Variants in PTPRD observed in about 807,000 individuals in gnomAD.
The protein encoded by PTPRD is receptor-type tyrosine-protein phosphatase delta.
PTPRD carries 34 observed loss-of-function variants against 214.5 expected under a neutral mutation model. The observed-to-expected ratio is 0.16, with a 90% CI of 0.12 to 0.21. The LOEUF (loss-of-function observed/expected upper bound fraction) is 0.21, where lower values mean the gene tolerates loss of function less well. PTPRD is among the 10% of genes least tolerant of loss of function. PTPRD has a pLI of 1.00. For synonymous variants in PTPRD, 1,128 were observed against 845.7 expected (o/e 1.33, Z -5.79); for missense variants, 2,545 against 2,398.7 (o/e 1.06, Z -1.27).
intron 12 of PTPRD, chr9:8,713,179 C>T: frequency 1.8e-6 from 1 of 563,018 alleles, no homozygotes; most frequent in Admixed American, 3.2e-5. Context: ...CTGTCAGTGC[C>T]AGAATTTCAG....
intron 7 of PTPRD, among the ~76,000 whole-genome samples, chr9:9,648,763 CTTATA>C (rs1161883879): frequency 6.6e-6 from 1 of 152,082 alleles, no homozygotes; most frequent in Non-Finnish European, 1.5e-5. Context: ...ACGTAATGTT[CTTATA>C]TTGTATTGTG....
chr9:9,727,933 A>T (rs932259309), intron 7 of PTPRD, among the ~76,000 whole-genome samples: 4 of 152,168 alleles, frequency 2.6e-5, no homozygotes, highest in African/African-American at 7.2e-5. Flanking sequence ...CTGTGTTCTC[A>T]GTCAAATCCC....
chr9:9,956,695 G>C (rs1319760722), intron 4 of PTPRD, among the ~76,000 whole-genome samples: 1 of 152,040 alleles, frequency 6.6e-6, no homozygotes, highest in East Asian at 1.9e-4. Flanking sequence ...ACATGAATGA[G>C]ACAAGGGAAT....
chr9:8,952,078 C>T (rs889553424), intron 11 of PTPRD, among the ~76,000 whole-genome samples: 1 of 151,820 alleles, frequency 6.6e-6, no homozygotes, highest in Admixed American at 6.6e-5. Context: ...AACTATTTAC[C>T]TTATTTCTCT....
rs141888584 is a variant in PTPRD at position 8,449,665 on chromosome 9, A to G, written c.3988+60T>C. On this transcript the variant is annotated intron_variant, in intron 34 of 45. Coordinates refer to ENST00000381196, the MANE Select transcript of PTPRD (RefSeq NM_002839.4). The stretch of plus-strand genomic sequence containing the variant: ...GTGATACCTTCAACTCTTAATATCA[A>G]TTGAGCTGTACAACTTCTGGGAAAG... The G allele has an allele frequency of 2.9e-3, 4,226 of 1,466,280 alleles. 11 individuals are homozygous for G. The highest frequency in any genetic ancestry group is 9.1e-3 in the Middle Eastern group (52 of 5,718). 90.8% of individuals were successfully genotyped at this position (1,466,280 alleles called of 1,614,324 possible).
intron 5 of PTPRD, among the ~76,000 whole-genome samples, chr9:9,845,200 A>C (rs2059300278): frequency 7.2e-6 from 1 of 138,090 alleles, no homozygotes. Context: ...ATATATAGCT[A>C]TATATATACT....
intron 3 of PTPRD, among the ~76,000 whole-genome samples, chr9:10,050,967 A>G (rs2097525879): frequency 6.6e-6 from 1 of 152,188 alleles, no homozygotes; most frequent in Non-Finnish European, 1.5e-5. Flanking sequence ...TTTTTCATAA[A>G]TATTAAAACT....
chr9:10,489,064 G>A (rs1005634344), intron 2 of PTPRD, among the ~76,000 whole-genome samples: 3 of 151,982 alleles, frequency 2.0e-5, no homozygotes, highest in Non-Finnish European at 4.4e-5. Flanking sequence ...GGAACGTGCT[G>A]AGCCTCACCT....
rs983391423 is a variant in PTPRD, at chr9:8,963,692, T to G, written c.-104+55005A>C. Among the ~76,000 whole-genome samples the G allele has an allele frequency of 2.9e-4, 44 of 152,116 alleles. 1 individual carries two copies. Among genetic ancestry groups the G allele is most frequent in the Non-Finnish European group, 4.1e-4 (28 of 68,010 alleles). On this transcript the variant is annotated intron_variant, in intron 11 of 45. Coordinates refer to ENST00000381196, the MANE Select transcript of PTPRD (RefSeq NM_002839.4). ...TGAAGTTCAGTGGTGCCAACATGGCTTGCTGCAGCCTCAGCCTCCTGGGCT... is the reference window on the plus strand; with the variant it reads ...TGAAGTTCAGTGGTGCCAACATGGCGTGCTGCAGCCTCAGCCTCCTGGGCT...
intron 2 of PTPRD, among the ~76,000 whole-genome samples, chr9:10,396,967 T>C (rs1347298591): frequency 6.6e-6 from 1 of 151,952 alleles, no homozygotes; most frequent in East Asian, 2.0e-4. Context: ...TTTCTGACAA[T>C]TGCAGGTCAC....
intron 9 of PTPRD, among the ~76,000 whole-genome samples, chr9:9,345,223 T>G (rs2048348300): frequency 6.6e-6 from 1 of 152,142 alleles, no homozygotes; most frequent in Non-Finnish European, 1.5e-5. Flanking sequence ...TACTTGCACT[T>G]AGAGATATAT....
At chr9:9,917,418 C>T (rs1282216496) in intron 5 of PTPRD, among the ~76,000 whole-genome samples, 7 of 138,102 alleles carry the variant, frequency 5.1e-5, no homozygotes, top group South Asian at 2.4e-4. Context: ...TGAACAACTA[C>T]ACTCCAATAC....
intron 9 of PTPRD, among the ~76,000 whole-genome samples, chr9:9,226,580 G>A (rs10816068): frequency 0.51 from 78,074 of 151,608 alleles, 20,359 homozygotes; most frequent in African/African-American, 0.57. Flanking sequence ...GAAAGAGGAA[G>A]GAACATTGTA....
intron 12 of PTPRD, among the ~76,000 whole-genome samples, chr9:8,713,127 AAAC>A (rs1318280427): frequency 3.9e-5 from 6 of 152,206 alleles, no homozygotes; most frequent in Non-Finnish European, 5.9e-5. Flanking sequence ...AAAGACTTAA[AAAC>A]AACAACAACG....
chr9:9,224,988 T>A (rs1309417652), intron 9 of PTPRD, among the ~76,000 whole-genome samples: 15 of 152,044 alleles, frequency 9.9e-5, no homozygotes, highest in African/African-American at 2.4e-5. Flanking sequence ...AATACTAACT[T>A]GATCCAGTGA....
chr9:8,716,763 G>A (rs1421265140), intron 12 of PTPRD, among the ~76,000 whole-genome samples: 4 of 152,124 alleles, frequency 2.6e-5, no homozygotes, highest in Non-Finnish European at 5.9e-5. Flanking sequence ...ACAAACTTTC[G>A]AAACAGTTGA....
chr9:10,370,803 T>C (rs1190335321), intron 2 of PTPRD, among the ~76,000 whole-genome samples: 1 of 151,986 alleles, frequency 6.6e-6, no homozygotes. Flanking sequence ...TACCTAATGC[T>C]GTCTTTGATA....
chr9:10,402,457 G>A (rs2098284827), intron 2 of PTPRD, among the ~76,000 whole-genome samples: 1 of 151,686 alleles, frequency 6.6e-6, no homozygotes, highest in African/African-American at 2.4e-5. Context: ...ATTTTAAGAT[G>A]AGAAAATAGC....
chr9:9,861,645 A>T (rs553733771), intron 5 of PTPRD, among the ~76,000 whole-genome samples: 3 of 152,320 alleles, frequency 2.0e-5, no homozygotes, highest in African/African-American at 7.2e-5. Context: ...TTAACTATTG[A>T]TATACAGTAT....
Sources: gnomAD v4.1 joint callset for allele counts (sites outside exome capture counted in the v4.1 genomes callset) on GRCh38, gnomAD v4.1.1 for gene constraint, MANE v1.5 for transcripts, NCBI Gene and HGNC (gene_info 2026-07-23, HGNC 2026-07-21) for gene names.